The following TIMELESS variants were observed in gnomAD, a reference collection of about 807,000 sequenced individuals.
TIMELESS encodes timeless circadian regulator.
In TIMELESS, 124 loss-of-function variants were observed where a neutral mutation model predicts 164.3. The ratio of observed to expected loss-of-function variants is 0.75; its 90% CI spans 0.65 to 0.88. TIMELESS has a LOEUF of 0.88. TIMELESS is among the 40% of genes least tolerant of loss of function. The pLI is 0.00. For synonymous variants in TIMELESS, 564 were observed against 563.4 expected, an observed-to-expected ratio of 1.00 and a Z score of -0.02; for missense variants, 1,422 against 1,491.4, an observed-to-expected ratio of 0.95 and a Z score of 0.77.
At chr12:56,427,049 T>G (rs1881701575) in intron 13 of TIMELESS, among the ~76,000 whole-genome samples, 1 of 152,144 alleles carries the variant, frequency 6.6e-6, no homozygotes, top group Non-Finnish European at 1.5e-5. Context: ...CTCAAACTCC[T>G]AAGTTCCAGT....
At chr12:56,444,838 T>G (rs190958117) in intron 1 of TIMELESS, among the ~76,000 whole-genome samples, 107 of 152,010 alleles carry the variant, frequency 7.0e-4, no homozygotes, top group African/African-American at 2.4e-3. Flanking sequence ...CCTTCTTCCC[T>G]TCTCACTGTA....
chr12:56,430,360 G>A (rs1380086985), intron 9 of TIMELESS, 79 bp from the exon 10 acceptor site: 4 of 1,503,526 alleles, frequency 2.7e-6, no homozygotes, highest in Non-Finnish European at 3.6e-6. Flanking sequence ...TTTCTCAGAA[G>A]AAACTAATTT....
intron 11 of TIMELESS, 111 bp downstream of exon 11, chr12:56,428,772 C>G: frequency 1.4e-6 from 2 of 1,476,086 alleles, no homozygotes; most frequent in Non-Finnish European, 1.9e-6. Flanking sequence ...CCCAGCCAGT[C>G]CTTGCTCCCC....
intron 1 of TIMELESS, among the ~76,000 whole-genome samples, chr12:56,448,455 G>A (rs926911186): frequency 2.0e-5 from 3 of 150,884 alleles, no homozygotes; most frequent in South Asian, 2.1e-4. Flanking sequence ...GGCCAGGCGC[G>A]GTGGCTCACG....
At chr12:56,423,998 G>A in intron 15 of TIMELESS, 104 bp from the exon 16 acceptor site, 1 of 1,022,650 alleles carries the variant, frequency 9.8e-7, no homozygotes, top group Non-Finnish European at 1.5e-6. Flanking sequence ...TTGTTGGCCA[G>A]AAACAGAATG....
At chr12:56,422,815 CCCCA>C in intron 19 of TIMELESS, 28 bp downstream of exon 19, 9 of 1,504,836 alleles carry the variant, frequency 6.0e-6, no homozygotes, top group Non-Finnish European at 8.2e-6. Context: ...CTTCCCCTAC[CCCCA>C]CCCACCCTTT....
At chr12:56,447,967 C>T (rs1223508660) in intron 1 of TIMELESS, among the ~76,000 whole-genome samples, 1 of 152,056 alleles carries the variant, frequency 6.6e-6, no homozygotes, top group African/African-American at 2.4e-5. Context: ...GAGTCAGGTG[C>T]GTAAGAGATT....
At chr12:56,442,846 C>T (rs58578730) in intron 1 of TIMELESS, among the ~76,000 whole-genome samples, 11,172 of 152,188 alleles carry the variant, frequency 0.073, 1,327 homozygotes, top group African/African-American at 0.25. Flanking sequence ...TTAATACTTT[C>T]ATAATTTATT....
intron 1 of TIMELESS, among the ~76,000 whole-genome samples, chr12:56,437,329 A>G (rs535604892): frequency 1.3e-5 from 2 of 152,324 alleles, no homozygotes; most frequent in South Asian, 4.1e-4. Context: ...ACTGAAGAAA[A>G]TAATTCATAA....
In TIMELESS at chr12:56,418,242, G is replaced by A; in HGVS notation, c.3346C>T (p.Pro1116Ser). Residue 1116 changes from proline (P) to serine (S), a missense_variant, in exon 27 of 29, where the codon CCT (proline) becomes TCT (serine). Physicochemically the swap from Pro to Ser is moderately conservative, Grantham distance 74. Coordinates refer to ENST00000553532, the MANE Select transcript of TIMELESS (RefSeq NM_003920.5). ...TCCTCATCAGAGCCTTGCTCTCCAG[G>A]GACTTTAGGCTGCAGCTCTGGCTGC... ...KLQPELQPKV[P>S]GEQGSDEEHC... 6.2e-7 allele frequency: 1 copy of A among 1,614,122 alleles called. No individual in the cohort carries two copies. Among genetic ancestry groups the A allele is most frequent in the Non-Finnish European group, 8.5e-7 (1 of 1,180,030 alleles).
chr12:56,421,485 C>T lies in TIMELESS; in HGVS notation c.2734G>A (p.Gly912Ser), dbSNP rs776141376. ...GCTGTGATATTCTTCATGATATGACCCAGGACATCTATAAAAAGCAAGCAT... is the reference window on the plus strand; with the variant it reads ...GCTGTGATATTCTTCATGATATGACTCAGGACATCTATAAAAAGCAAGCAT... The part of the protein sequence containing the change: ...EEFRDSDDVL[G>S]HIMKNITAKR... The change falls in exon 23 of 29, where the codon GGT (glycine) becomes AGT (serine). Residue 912 changes from glycine (G) to serine (S), a missense_variant. Coordinates refer to ENST00000553532, the MANE Select transcript of TIMELESS (RefSeq NM_003920.5). The T allele has an allele frequency of 2.5e-6, 4 of 1,610,556 alleles. No homozygotes were observed. The highest frequency in any genetic ancestry group is 1.7e-4 in the Middle Eastern group (1 of 6,054).
At chr12:56,440,308 T>G (rs901696755) in intron 1 of TIMELESS, among the ~76,000 whole-genome samples, 2 of 152,054 alleles carry the variant, frequency 1.3e-5, no homozygotes, top group African/African-American at 4.8e-5. Context: ...CCAGCTAATT[T>G]TTGTATTTTT....
At chr12:56,419,423 G>A (rs567419431) in intron 26 of TIMELESS, among the ~76,000 whole-genome samples, 7 of 151,736 alleles carry the variant, frequency 4.6e-5, no homozygotes, top group African/African-American at 1.7e-4. Context: ...GCAGACTCTT[G>A]AAGACTGGGT....
Position 56,417,801 on chromosome 12 carries a change from G to C in TIMELESS, c.3557-15C>G, listed in dbSNP as rs773247382. On this transcript the variant is annotated splice_polypyrimidine_tract_variant and intron_variant, in intron 28 of 28. Coordinates refer to ENST00000553532, the MANE Select transcript of TIMELESS (RefSeq NM_003920.5). The stretch of plus-strand genomic sequence containing the variant: ...CAACTCTGGTGCTGTGGGAACGATG[G>C]GGGTGAGAGAGAGAGAGAATATCTA... The C allele has an allele frequency of 4.1e-5, 66 of 1,613,980 alleles. No individual in the cohort carries two copies. In the Middle Eastern group the frequency reaches 6.6e-4, roughly 16 times the overall value.
chr12:56,433,684 A>C, intron 3 of TIMELESS, 32 bp from the exon 4 acceptor site: 2 of 1,613,852 alleles, frequency 1.2e-6, no homozygotes, highest in Non-Finnish European at 1.7e-6. Flanking sequence ...AGAAGTTGTT[A>C]AGTTTCTTTA....
intron 1 of TIMELESS, among the ~76,000 whole-genome samples, chr12:56,441,603 G>C (rs1406553242): frequency 6.6e-6 from 1 of 152,024 alleles, no homozygotes; most frequent in Non-Finnish European, 1.5e-5. Flanking sequence ...CTCCAGCCTG[G>C]GTAACAGAGT....
chr12:56,431,044 T>G, intron 8 of TIMELESS, 76 bp from the exon 9 acceptor site: 1 of 1,045,066 alleles, frequency 9.6e-7, no homozygotes, highest in Non-Finnish European at 1.4e-6. Context: ...CATCGGCACA[T>G]TGGAGCAAGT....
In TIMELESS at chr12:56,433,026, C is replaced by T; in HGVS notation, c.531G>A (p.Lys177=). 4 of 1,612,162 alleles carry T rather than the reference C, an allele frequency of 2.5e-6. No individual in the cohort carries two copies. The highest frequency in any genetic ancestry group is 3.4e-6 in the Non-Finnish European group (4 of 1,178,780). ...LHVPADLDQE[K]KIDDDASAHD... is the part of the protein sequence containing the mutation. Reference sequence around the variant, plus strand: ...AACACAGAACACCCAAGACCCTCACCTTCTCCTGATCAAGGTCAGCTGGGA... The same window carrying T: ...AACACAGAACACCCAAGACCCTCACTTTCTCCTGATCAAGGTCAGCTGGGA... Residue 177 remains lysine (K), a splice_region_variant and synonymous_variant, in exon 6 of 29, where the codon AAG becomes AAA. Coordinates refer to ENST00000553532, the MANE Select transcript of TIMELESS (RefSeq NM_003920.5).
At chr12:56,428,427 G>A (rs1421016995) in intron 12 of TIMELESS, 22 bp from the exon 13 acceptor site, 1 of 1,604,780 alleles carries the variant, frequency 6.2e-7, no homozygotes, top group Non-Finnish European at 8.5e-7. Context: ...GAAGAGAAAG[G>A]GATGGAAGGG....
Sources: allele counts gnomAD v4.1 joint callset (sites outside exome capture counted in the v4.1 genomes callset), GRCh38; gene constraint gnomAD v4.1.1; transcripts MANE v1.5; gene names NCBI Gene and HGNC (gene_info 2026-07-23, HGNC 2026-07-21).